DCC: variants seen among roughly 807,000 people sequenced by gnomAD.
The protein encoded by DCC is netrin receptor DCC.
DCC carries 58 observed loss-of-function variants against 172.5 expected under a neutral mutation model. The observed-to-expected ratio is 0.34, with a 90% confidence interval of 0.27 to 0.42. The LOEUF is 0.42. DCC is among the 10% of genes least tolerant of loss of function. The pLI is 1.00. For synonymous variants in DCC, 709 were observed against 644.5 expected, an observed-to-expected ratio of 1.10 and a Z score of -1.52; for missense variants, 1,740 against 1,791.0, an observed-to-expected ratio of 0.97 and a Z score of 0.51.
chr18:52,469,655 T>C (rs1988890029), intron 1 of DCC, among the ~76,000 whole-genome samples: 1 of 152,202 alleles, frequency 6.6e-6, no homozygotes, highest in Non-Finnish European at 1.5e-5. Context: ...CTTAGGTTGG[T>C]ATATTAATCA....
chr18:52,377,067 C>T (rs751938779), intron 1 of DCC, among the ~76,000 whole-genome samples: 7 of 152,178 alleles, frequency 4.6e-5, no homozygotes, highest in Non-Finnish European at 8.8e-5. Context: ...TTGAGAAAAG[C>T]GCTGACTGTT....
At chr18:52,603,343 T>C (rs958898036) in intron 1 of DCC, among the ~76,000 whole-genome samples, 1 of 151,980 alleles carries the variant, frequency 6.6e-6, no homozygotes, top group Non-Finnish European at 1.5e-5. Flanking sequence ...TGCTTTCTCA[T>C]CCATTAGACC....
chr18:52,781,159 A>G (rs1943100), intron 2 of DCC, among the ~76,000 whole-genome samples: 121,317 of 152,102 alleles, frequency 0.8, 48,746 homozygotes, highest in East Asian at 0.92. Context: ...TAGGTTGAGA[A>G]AGGAAACCTA....
chr18:52,372,847 G>A (rs929803077), intron 1 of DCC, among the ~76,000 whole-genome samples: 2 of 152,162 alleles, frequency 1.3e-5, no homozygotes, highest in Non-Finnish European at 2.9e-5. Flanking sequence ...TCACTTAGAG[G>A]ATGAAATAAC....
At chr18:53,146,389 C>A (rs939883305) in intron 7 of DCC, among the ~76,000 whole-genome samples, 1 of 152,168 alleles carries the variant, frequency 6.6e-6, no homozygotes, top group Non-Finnish European at 1.5e-5. Context: ...GTGGCTGCAT[C>A]CTCTATGGAG....
chr18:52,959,736 T>C (rs965059109), intron 5 of DCC, among the ~76,000 whole-genome samples: 5 of 152,146 alleles, frequency 3.3e-5, no homozygotes, highest in Non-Finnish European at 5.9e-5. Context: ...GTTCCAATGA[T>C]AAAATGACTG....
chr18:52,813,033 A>G (rs1444033861), intron 2 of DCC, among the ~76,000 whole-genome samples: 1 of 152,214 alleles, frequency 6.6e-6, no homozygotes, highest in Non-Finnish European at 1.5e-5. Flanking sequence ...GGCTTCTGAA[A>G]CTCCAATGAA....
At chr18:52,451,530 G>A (rs1988304560) in intron 1 of DCC, among the ~76,000 whole-genome samples, 1 of 152,154 alleles carries the variant, frequency 6.6e-6, no homozygotes. Flanking sequence ...CAGGCAATCG[G>A]AAAAGGTTAA....
intron 12 of DCC, among the ~76,000 whole-genome samples, chr18:53,277,762 G>A (rs2056822744): frequency 1.3e-5 from 2 of 152,118 alleles, no homozygotes; most frequent in South Asian, 4.1e-4. Context: ...GAGCAGATCA[G>A]CAGCCATGCT....
chr18:52,623,454 T>C (rs2034518046), intron 1 of DCC, among the ~76,000 whole-genome samples: 1 of 152,206 alleles, frequency 6.6e-6, no homozygotes, highest in African/African-American at 2.4e-5. Context: ...GAGATCTTTC[T>C]TCCTTTTTTG....
chr18:52,930,683 T>C (rs2040294261), intron 5 of DCC, among the ~76,000 whole-genome samples: 1 of 152,190 alleles, frequency 6.6e-6, no homozygotes, highest in South Asian at 2.1e-4. Context: ...ATTTGCATTT[T>C]ACATTTTGTG....
intron 7 of DCC, among the ~76,000 whole-genome samples, chr18:53,121,971 C>A (rs2043489855): frequency 6.6e-6 from 1 of 151,882 alleles, no homozygotes; most frequent in South Asian, 2.1e-4. Flanking sequence ...TCTATGCAAA[C>A]CCTATTTTGA....
At chr18:53,369,996 T>C (rs1189650752) in intron 15 of DCC, among the ~76,000 whole-genome samples, 1 of 151,792 alleles carries the variant, frequency 6.6e-6, no homozygotes. Flanking sequence ...AAGTGTTCCC[T>C]CCTCTTCAGT....
At chr18:53,174,749 A>G (rs2055064535) in intron 8 of DCC, among the ~76,000 whole-genome samples, 1 of 147,690 alleles carries the variant, frequency 6.8e-6, no homozygotes, top group Non-Finnish European at 1.5e-5. Context: ...CCAGAGGTAC[A>G]AGGAGGAACT....
intron 5 of DCC, among the ~76,000 whole-genome samples, chr18:52,957,801 G>A (rs75784942): frequency 6.6e-6 from 1 of 152,090 alleles, no homozygotes; most frequent in African/African-American, 2.4e-5. Context: ...AGTGGTAAAT[G>A]ATAGAAAATG....
At chr18:53,395,150 CAAAAAA>C (rs35414902) in intron 17 of DCC, among the ~76,000 whole-genome samples, 2 of 125,254 alleles carry the variant, frequency 1.6e-5, no homozygotes, top group Non-Finnish European at 3.2e-5. Flanking sequence ...AACTCCATCT[CAAAAAA>C]AAAAAAAAAA....
At chr18:53,402,925 C>A in intron 19 of DCC, 32 bp downstream of exon 19, 2 of 1,478,426 alleles carry the variant, frequency 1.4e-6, no homozygotes, top group Non-Finnish European at 1.9e-6. Context: ...CCCAGCATAG[C>A]TCTCCCTTGT....
chr18:52,503,353 T>C (rs994369554), intron 1 of DCC, among the ~76,000 whole-genome samples: 1 of 152,148 alleles, frequency 6.6e-6, no homozygotes, highest in Non-Finnish European at 1.5e-5. Flanking sequence ...TGTGTTATAT[T>C]GCTGATCTGA....
chr18:52,966,043 C>A (rs976716423), intron 5 of DCC, among the ~76,000 whole-genome samples: 1 of 152,142 alleles, frequency 6.6e-6, no homozygotes, highest in Admixed American at 6.6e-5. Context: ...TGCTTCTCTC[C>A]ATTGCTAAGA....
Sources: allele counts gnomAD v4.1 joint callset (sites outside exome capture counted in the v4.1 genomes callset), GRCh38; gene constraint gnomAD v4.1.1; transcripts MANE v1.5; gene names NCBI Gene and HGNC (gene_info 2026-07-23, HGNC 2026-07-21).